The following OXR1 variants were observed in gnomAD, a reference collection of about 807,000 sequenced individuals.
The protein encoded by OXR1 is oxidation resistance 1.
In OXR1, 41 loss-of-function variants were observed where a neutral mutation model predicts 104.6. That is an observed-to-expected ratio of 0.39 (90% confidence interval 0.31 to 0.51). The LOEUF (loss-of-function observed/expected upper bound fraction) is 0.51, where lower values mean the gene tolerates loss of function less well. OXR1 is among the 20% of genes least tolerant of loss of function. OXR1 has a pLI of 0.77. For missense variants in OXR1, 955 were observed against 1,031.9 expected, an observed-to-expected ratio of 0.93 and a Z score of 1.02; for synonymous variants, 348 against 348.4, an observed-to-expected ratio of 1.00 and a Z score of 0.01.
chr8:106,532,891 C>A (rs1814199905), intron 3 of OXR1, among the ~76,000 whole-genome samples: 1 of 152,106 alleles, frequency 6.6e-6, no homozygotes, highest in Non-Finnish European at 1.5e-5. Context: ...TTTAAAATAA[C>A]CTTATCATAA....
intron 3 of OXR1, among the ~76,000 whole-genome samples, chr8:106,544,145 A>G (rs1815164952): frequency 6.6e-6 from 1 of 151,892 alleles, no homozygotes; most frequent in Non-Finnish European, 1.5e-5. Flanking sequence ...AACACTCTGA[A>G]TGTTTATGTA....
chr8:106,307,615 A>C (rs902202433), intron 1 of OXR1, among the ~76,000 whole-genome samples: 5 of 152,032 alleles, frequency 3.3e-5, no homozygotes. Flanking sequence ...CCAGAATGAA[A>C]GCATCCTAAG....
At chr8:106,311,226 G>A (rs1813686715) in intron 1 of OXR1, among the ~76,000 whole-genome samples, 1 of 151,820 alleles carries the variant, frequency 6.6e-6, no homozygotes, top group Admixed American at 6.6e-5. Context: ...TTTTTTAATA[G>A]TATCCTGTTC....
chr8:106,717,031 C>G (rs1260666063), intron 11 of OXR1, among the ~76,000 whole-genome samples: 1 of 151,792 alleles, frequency 6.6e-6, no homozygotes, highest in Non-Finnish European at 1.5e-5. Context: ...ACTAAAAATA[C>G]AAAAATTAGC....
At chr8:106,576,357 T>G (rs1817831240) in intron 3 of OXR1, among the ~76,000 whole-genome samples, 1 of 151,646 alleles carries the variant, frequency 6.6e-6, no homozygotes, top group Non-Finnish European at 1.5e-5. Flanking sequence ...CTTTATGTTA[T>G]TTTTAGAATA....
intron 3 of OXR1, among the ~76,000 whole-genome samples, chr8:106,575,703 A>C (rs1817776191): frequency 6.7e-6 from 1 of 149,076 alleles, no homozygotes; most frequent in Admixed American, 6.7e-5. Flanking sequence ...ATATATTAAA[A>C]AAAAAAAAAA....
chr8:106,745,687 C>T (rs1309558055), intron 15 of OXR1, 102 bp from the exon 16 acceptor site: 7 of 556,796 alleles, frequency 1.3e-5, no homozygotes, highest in Non-Finnish European at 3.1e-6. Context: ...TATTCTTATA[C>T]TGCCAGTCTT....
chr8:106,377,117 T>C (rs1432772386), intron 2 of OXR1, among the ~76,000 whole-genome samples: 4 of 152,182 alleles, frequency 2.6e-5, no homozygotes, highest in Non-Finnish European at 5.9e-5. Context: ...TCAAATTATT[T>C]TGGAAAACAA....
intron 2 of OXR1, among the ~76,000 whole-genome samples, chr8:106,493,420 T>C (rs538387164): frequency 2.0e-5 from 3 of 152,298 alleles, no homozygotes; most frequent in South Asian, 4.1e-4. Context: ...GCCAAGACCA[T>C]GGTCTATGGA....
At chr8:106,565,506 T>C (rs1175575874) in intron 3 of OXR1, among the ~76,000 whole-genome samples, 3 of 152,214 alleles carry the variant, frequency 2.0e-5, no homozygotes, top group Non-Finnish European at 2.9e-5. Context: ...AAACGTTCCA[T>C]GCTCATGGAT....
chr8:106,317,794 C>CAAA (rs200998873), intron 1 of OXR1, among the ~76,000 whole-genome samples: 10 of 132,802 alleles, frequency 7.5e-5, no homozygotes, highest in East Asian at 2.2e-4. Flanking sequence ...AACTAAATTC[C>CAAA]AAAAAAAAAA....
At chr8:106,498,453 T>C (rs891788144) in intron 2 of OXR1, among the ~76,000 whole-genome samples, 2 of 152,342 alleles carry the variant, frequency 1.3e-5, no homozygotes, top group African/African-American at 4.8e-5. Context: ...AGAAATTTCA[T>C]GAGACAATTT....
intron 2 of OXR1, among the ~76,000 whole-genome samples, chr8:106,430,152 AT>A (rs1819301785): frequency 1.3e-5 from 2 of 152,138 alleles, no homozygotes; most frequent in Admixed American, 1.3e-4. Context: ...AAATGAATGT[AT>A]TTTTTAATCA....
At chr8:106,420,547 T>G (rs1818863700) in intron 2 of OXR1, among the ~76,000 whole-genome samples, 1 of 151,934 alleles carries the variant, frequency 6.6e-6, no homozygotes, top group South Asian at 2.1e-4. Context: ...CTCATTAAGA[T>G]AGTTTTGTCT....
intron 3 of OXR1, among the ~76,000 whole-genome samples, chr8:106,546,051 A>G (rs987174253): frequency 6.6e-6 from 1 of 152,146 alleles, no homozygotes; most frequent in South Asian, 2.1e-4. Context: ...TGGAATAAAA[A>G]TGTTAAACAC....
At chr8:106,686,593 A>C (rs1828751397) in intron 6 of OXR1, among the ~76,000 whole-genome samples, 1 of 152,124 alleles carries the variant, frequency 6.6e-6, no homozygotes, top group African/African-American at 2.4e-5. Context: ...GTTTTATTAG[A>C]TATAGTTTAC....
At chr8:106,641,837 A>G (rs1258091241) in intron 3 of OXR1, among the ~76,000 whole-genome samples, 1 of 152,228 alleles carries the variant, frequency 6.6e-6, no homozygotes, top group Non-Finnish European at 1.5e-5. Flanking sequence ...CACCAAAAAA[A>G]CTAGTGAAAA....
intron 15 of OXR1, among the ~76,000 whole-genome samples, chr8:106,743,521 A>G (rs1407714478): frequency 6.6e-6 from 1 of 152,188 alleles, no homozygotes; most frequent in East Asian, 1.9e-4. Flanking sequence ...GGGTTTTGCC[A>G]TGTTGGCCAG....
At chr8:106,598,604 A>G (rs968250738) in intron 3 of OXR1, among the ~76,000 whole-genome samples, 2 of 152,236 alleles carry the variant, frequency 1.3e-5, no homozygotes, top group Non-Finnish European at 2.9e-5. Flanking sequence ...ACTGTTTTTA[A>G]GCTACATATT....
Sources: gnomAD v4.1 joint callset for allele counts (sites outside exome capture counted in the v4.1 genomes callset) on GRCh38, gnomAD v4.1.1 for gene constraint, MANE v1.5 for transcripts, NCBI Gene and HGNC (gene_info 2026-07-23, HGNC 2026-07-21) for gene names.